Variants in SWI5 observed in about 807,000 individuals in gnomAD.
SWI5 encodes the protein DNA repair protein SWI5 homolog.
A neutral mutation model predicts 17.0 loss-of-function variants in SWI5; 12 were observed. The observed-to-expected ratio is 0.71, with a 90% CI of 0.45 to 1.14. SWI5 has a LOEUF of 1.14. SWI5 is among the 50% of genes most tolerant of loss of function. SWI5 has a pLI of 0.00. For synonymous variants in SWI5, 61 were observed against 64.0 expected, an observed-to-expected ratio of 0.95 and a Z score of 0.22; for missense variants, 158 against 162.2, an observed-to-expected ratio of 0.97 and a Z score of 0.14.
At chr9:128,276,121 AT>A, upstream of SWI5, 1 of 1,567,608 alleles carries the variant, frequency 6.4e-7, no homozygotes, top group Non-Finnish European at 8.6e-7. Context: ...TCAATGAGAA[AT>A]ATGAAGCGGA....
rs1564371981 is a variant in SWI5, at chr9:128,276,763, T to C, written c.111+8T>C. 6.2e-7 allele frequency: 1 copy of C among 1,605,622 alleles called. No individual in the cohort carries two copies. On this transcript the variant is annotated splice_region_variant and intron_variant, in intron 2 of 4. Coordinates refer to ENST00000418976, the Ensembl canonical transcript of SWI5. ...GGGGCCTTCCGATCCCCTGTGAGTA[T>C]TTCTTCCCCCACACCCCCTTTCCCA...
intron 2 of SWI5, chr9:128,278,742 T>G: frequency 2.3e-6 from 1 of 442,470 alleles, no homozygotes; most frequent in Middle Eastern, 3.4e-4. Flanking sequence ...CTGGGGGCTT[T>G]AAACTGAGAA....
chr9:128,275,414 G>C (rs960677633), upstream of SWI5: 5 of 1,293,118 alleles, frequency 3.9e-6, no homozygotes, highest in Middle Eastern at 4.0e-4. Context: ...CGCGATGGGG[G>C]AGGGGACCGC....
chr9:128,279,839 T>C (rs1334847985), intron 2 of SWI5, among the ~76,000 whole-genome samples: 1 of 152,118 alleles, frequency 6.6e-6, no homozygotes, highest in Admixed American at 6.5e-5. Flanking sequence ...AACGGGTGCC[T>C]TCCCAGACAC....
At chr9:128,276,729 A>C (rs773956495) in exon 2 of SWI5, 2 of 1,612,964 alleles carry the variant, frequency 1.2e-6, no homozygotes, top group African/African-American at 2.7e-5. Context: ...ACTTACCCGA[A>C]GTTGCCGCGG....
intron 2 of SWI5, 119 bp downstream of exon 2, chr9:128,276,874 C>A: frequency 3.7e-6 from 4 of 1,070,840 alleles, no homozygotes; most frequent in Non-Finnish European, 5.4e-6. Flanking sequence ...CATATCTTCT[C>A]CCAGTCGACT....
intron 4 of SWI5, among the ~76,000 whole-genome samples, chr9:128,287,775 T>G (rs1295984525): frequency 1.3e-5 from 2 of 152,008 alleles, no homozygotes; most frequent in Non-Finnish European, 2.9e-5. Context: ...TTGGCCAGGC[T>G]GGTCTTGAAC....
intron 2 of SWI5, chr9:128,278,786 T>TA (rs1382712883): frequency 2.4e-6 from 1 of 424,456 alleles, no homozygotes; most frequent in Non-Finnish European, 4.7e-6. Flanking sequence ...TGTTTTTTTT[T>TA]ATTTGAGACG....
In SWI5 at chr9:128,285,278, A is replaced by AAAGG. The variant is rs965489781; in HGVS notation, c.234-646_234-643dup. 3.3e-5 allele frequency among the ~76,000 whole-genome samples: 5 copies of AAAGG among 150,878 alleles called. No individual in the cohort carries two copies. In the South Asian group the frequency reaches 8.5e-4, roughly 26 times the overall value. On this transcript the variant is annotated intron_variant, in intron 3 of 4. Coordinates refer to ENST00000418976, the Ensembl canonical transcript of SWI5. The surrounding 1 kb of genome is among the most constrained non-coding windows in gnomAD (Gnocchi z 4.8). ...GGAAGGAAAGGGAAGGAAGGAAGGGAAAGGAAGGAAGGAAGGAAAGGAAGG... is the reference window on the plus strand; with the variant it reads ...GGAAGGAAAGGGAAGGAAGGAAGGGAAAGGAAGGAAGGAAGGAAGGAAAGGAAGG...
upstream of SWI5, chr9:128,276,096 A>G (rs544860580): frequency 3.8e-6 from 6 of 1,571,404 alleles, no homozygotes; most frequent in African/African-American, 2.8e-5. Context: ...GGCCTCAAAG[A>G]TCAAAGCCCA....
At chr9:128,282,791 TGGCTGTGTACTA>T (rs1034005520) in intron 2 of SWI5, among the ~76,000 whole-genome samples, 5 of 152,248 alleles carry the variant, frequency 3.3e-5, no homozygotes, top group African/African-American at 1.2e-4. Flanking sequence ...TCCTGAAGAT[TGGCTGTGTACTA>T]GGCACTGGCC....
chr9:128,282,735 C>T (rs183857674), intron 2 of SWI5, among the ~76,000 whole-genome samples: 60 of 152,336 alleles, frequency 3.9e-4, no homozygotes, highest in South Asian at 3.9e-3. Context: ...CCGTCTTCCT[C>T]GGTCCCTTCT....
In SWI5 at chr9:128,286,053, G is replaced by C. The variant is rs1447447774; in HGVS notation, c.328+20G>C. ...AACTAGGTGAGTAGTTGGGACTCCA[G>C]AGCCACAAGCAGGCATCATAGGGTG... On this transcript the variant is annotated intron_variant, in intron 4 of 4. Coordinates refer to ENST00000418976, the Ensembl canonical transcript of SWI5. The C allele has an allele frequency of 1.3e-5, 20 of 1,578,384 alleles. No homozygotes were observed. Among genetic ancestry groups the C allele is most frequent in the Non-Finnish European group, 1.6e-5 (18 of 1,147,692 alleles).
rs1588507713 is a variant in SWI5, at chr9:128,285,946, A to G, written c.241A>G (p.Ser81Gly). Residue 81 changes from serine (S) to glycine (G), a missense_variant, in exon 4 of 5, where the codon AGT (serine) becomes GGT (glycine). Transcript: ENST00000418976. This position sits in a 1 kb window ranked among gnomAD's most constrained non-coding sequence, Gnocchi z 4.8. Reference sequence around the variant, plus strand: ...CTCCATCGCTTATCCCAGAGGCTACAGTGTGGATGAACTGGAGGACCACAT... The same window carrying G: ...CTCCATCGCTTATCCCAGAGGCTACGGTGTGGATGAACTGGAGGACCACAT... The G allele has an allele frequency of 1.2e-6, 2 of 1,613,308 alleles. No homozygotes were observed. The highest frequency in any genetic ancestry group is 2.2e-5 in the East Asian group (1 of 44,876).
intron 2 of SWI5, among the ~76,000 whole-genome samples, chr9:128,283,579 G>A (rs1407131323): frequency 6.6e-6 from 1 of 152,212 alleles, no homozygotes; most frequent in East Asian, 1.9e-4. Flanking sequence ...ATTCTCTGGG[G>A]TCAGACTGGG....
At position 128,276,706 on chromosome 9, in the gene SWI5, G is replaced by A; in HGVS notation, c.63-1G>A. ...GACTTTCCCCTCGGATTCCTCTCTA[G>A]GACTGAACCAAGACTTACCCGAAGT... On this transcript the variant is annotated splice_acceptor_variant, in intron 1 of 4. Transcript: ENST00000418976. LOFTEE classifies it high-confidence loss of function. 1 of 1,613,878 alleles carries A rather than the reference G, an allele frequency of 6.2e-7. No individual in the cohort carries two copies. The highest frequency in any genetic ancestry group is 1.1e-5 in the South Asian group (1 of 91,076).
upstream of SWI5, chr9:128,276,033 C>G (rs913392512): frequency 1.9e-6 from 3 of 1,590,768 alleles, no homozygotes; most frequent in Admixed American, 5.4e-5. Flanking sequence ...AGCTGTGCGA[C>G]GGAGCCAGAG....
At chr9:128,281,324 C>G (rs1176659096) in intron 2 of SWI5, among the ~76,000 whole-genome samples, 2 of 152,142 alleles carry the variant, frequency 1.3e-5, no homozygotes, top group Non-Finnish European at 1.5e-5. Context: ...GTGTGAGTCA[C>G]TGCACCTGGC....
At chr9:128,288,561 G>T in intron 4 of SWI5, 91 bp from the exon 5 acceptor site, 2 of 1,364,596 alleles carry the variant, frequency 1.5e-6, no homozygotes, top group South Asian at 1.2e-5. Context: ...GGTCCTGGGT[G>T]GGTCAGGGCA....
Sources: allele counts gnomAD v4.1 joint callset (sites outside exome capture counted in the v4.1 genomes callset), GRCh38; gene constraint gnomAD v4.1.1; non-coding constraint Gnocchi (gnomAD v3.1); transcripts MANE v1.5; gene names NCBI Gene and HGNC (gene_info 2026-07-23, HGNC 2026-07-21).